The following NOC2L variants were observed in gnomAD, a reference collection of about 807,000 sequenced individuals.
NOC2L encodes the protein nucleolar complex protein 2 homolog.
NOC2L carries 101 observed loss-of-function variants against 94.2 expected under a neutral mutation model. The ratio of observed to expected loss-of-function variants is 1.07; its 90% confidence interval spans 0.91 to 1.26. The LOEUF (loss-of-function observed/expected upper bound fraction) is 1.26, where lower values mean the gene tolerates loss of function less well. Ranked by LOEUF, NOC2L falls within the 50% of genes most tolerant of loss-of-function variation. The probability of loss-of-function intolerance (pLI) is 0.00; values close to 1 mark genes in which losing one functional copy is unlikely to be tolerated. For missense variants in NOC2L, 1,076 were observed against 980.1 expected, an observed-to-expected ratio of 1.10 and a Z score of -1.31; for synonymous variants, 531 against 413.4, an observed-to-expected ratio of 1.28 and a Z score of -3.45.
rs755814934 is a variant in NOC2L at position 951,149 on chromosome 1, G to T, written c.1421C>A (p.Pro474Gln). ...LLSGSSGAFIPVLPFILEMFQ... is the reference protein window; with the variant it reads ...LLSGSSGAFIQVLPFILEMFQ... ...CACCTCCAGGATGAAAGGCAGCACC[G>T]GGATGAAGGCCCCCGAGCTCCCCGA... The change falls in exon 12 of 19, where the codon CCG (proline) becomes CAG (glutamine). Residue 474 changes from proline (P) to glutamine (Q), a missense_variant. Pro to Gln is a moderately conservative substitution (Grantham distance 76). Coordinates refer to ENST00000327044, the MANE Select transcript of NOC2L (RefSeq NM_015658.4). The T allele has an allele frequency of 6.3e-7, 1 of 1,588,700 alleles. No homozygotes were observed. Among genetic ancestry groups the T allele is most frequent in the Non-Finnish European group, 8.6e-7 (1 of 1,167,590 alleles).
At chr1:946,783 C>T in intron 14 of NOC2L, 2 of 474,956 alleles carry the variant, frequency 4.2e-6, no homozygotes, top group East Asian at 7.8e-5. Flanking sequence ...TTATGCCAGG[C>T]GTGGTGGCTC....
rs1642432503 is a variant in NOC2L, at chr1:957,211, G to T, written c.242C>A (p.Pro81His). The T allele has an allele frequency of 1.9e-6, 3 of 1,613,824 alleles. No homozygotes were observed. Among genetic ancestry groups the T allele is most frequent in the Non-Finnish European group, 2.5e-6 (3 of 1,179,992 alleles). Residue 81 changes from proline (P) to histidine (H), a missense_variant, in exon 3 of 19, where the codon CCC becomes CAC. This residue lies in a region of NOC2L where 457 missense variants were observed against 386.0 expected (regional missense o/e 1.18). Transcript: ENST00000327044. ...DQLSRLKDRD[P>H]EFYKFLQEND... The stretch of plus-strand genomic sequence containing the variant: ...CTCCTGCAGGAACTTGTAGAACTCG[G>T]GGTCTCTGTCCTTCAGCCGAGAGAG...
In NOC2L at chr1:953,887, C is replaced by T; in HGVS notation, c.783G>A (p.Val261=). The change falls in exon 8 of 19, where the codon GTG becomes GTA. Residue 261 remains valine, a synonymous_variant. Transcript: ENST00000327044. ...KAYLGSAIQL[V]SCLSETTVLA... ...ACACCGTCGTCTCCGACAGACAGGACACCAGCTGGGGGCAGGAGGGGACAG... is the reference window on the plus strand; with the variant it reads ...ACACCGTCGTCTCCGACAGACAGGATACCAGCTGGGGGCAGGAGGGGACAG... 1 of 1,613,172 alleles carries T rather than the reference C, an allele frequency of 6.2e-7. No homozygotes were observed. Among genetic ancestry groups the T allele is most frequent in the Non-Finnish European group, 8.5e-7 (1 of 1,179,960 alleles).
In NOC2L at chr1:952,719, C is replaced by T. The variant is rs1490182949; in HGVS notation, c.1003-119G>A. ...TCAGAGCTGGGCCTCGAGGAAGAGC[C>T]GTAGCCCCTTGCACAGCCCCCACCC... On this transcript the variant is annotated intron_variant, in intron 9 of 18. Coordinates refer to ENST00000327044, the MANE Select transcript of NOC2L (RefSeq NM_015658.4). The T allele has an allele frequency of 9.0e-6, 9 of 1,004,210 alleles. No individual in the cohort carries two copies. The African/African-American group carries it at 9.5e-5, about 11-fold the overall frequency. 62.2% of individuals were successfully genotyped at this position (1,004,210 alleles called of 1,614,324 possible). A position where few individuals can be genotyped will look rare whatever the true frequency, so the allele number is the denominator to read the frequency against.
In NOC2L at chr1:944,391, G is replaced by A; in HGVS notation, c.*303C>T. On this transcript the variant is annotated 3_prime_UTR_variant, in exon 19 of 19. Coordinates refer to ENST00000327044, the MANE Select transcript of NOC2L (RefSeq NM_015658.4). ...AGGGCAGAGGTGGTGGAAGGGGCCAGGGGCCTGCAGGCCTCCCCCTGGAAC... is the reference window on the plus strand; with the variant it reads ...AGGGCAGAGGTGGTGGAAGGGGCCAAGGGCCTGCAGGCCTCCCCCTGGAAC... The A allele has an allele frequency of 7.8e-7, 1 of 1,276,636 alleles. No homozygotes were observed. The highest frequency in any genetic ancestry group is 1.0e-6 in the Non-Finnish European group (1 of 986,398). The allele number at this position is 1,276,636 out of a possible 1,614,324, so 79.1% of individuals were successfully genotyped here.
intron 2 of NOC2L, 159 bp downstream of exon 2, chr1:958,770 A>G (rs1024731249): frequency 2.6e-6 from 2 of 778,530 alleles, no homozygotes; most frequent in Admixed American, 2.0e-5. Flanking sequence ...ACAGGAGCTC[A>G]GTAAACATCG....
chr1:956,175 G>A lies in NOC2L; in HGVS notation c.527C>T (p.Ala176Val), dbSNP rs1359441783. ...TPKLFHEVVQAFRAAVATTRG... is the reference protein window; with the variant it reads ...TPKLFHEVVQVFRAAVATTRG... ...GGTGGTGGCCACAGCTGCTCGGAAC[G>A]CCTGTACCACTTCATGGAACAGCTT... The change falls in exon 5 of 19, where the codon GCG becomes GTG. Residue 176 changes from alanine (A) to valine (V), a missense_variant. By Grantham distance (64) the Ala-to-Val change is moderately conservative (BLOSUM62 0). Around this residue, in one of 3 missense-constraint regions of NOC2L, gnomAD observed 457 missense variants for 386.0 expected, o/e 1.18. Transcript: ENST00000327044. 9 of 1,613,758 alleles carry A rather than the reference G, an allele frequency of 5.6e-6. No homozygotes were observed. Among genetic ancestry groups the A allele is most frequent in the African/African-American group, 1.3e-5 (1 of 74,912 alleles).
intron 12 of NOC2L, among the ~76,000 whole-genome samples, chr1:949,962 A>T (rs1569941178): frequency 6.6e-6 from 1 of 152,214 alleles, no homozygotes; most frequent in Non-Finnish European, 1.5e-5. Flanking sequence ...CAGGGTGGAG[A>T]TCGTGAATTC....
At chr1:949,852 G>A (rs143179547) in intron 12 of NOC2L, among the ~76,000 whole-genome samples, 390 of 152,306 alleles carry the variant, frequency 2.6e-3, no homozygotes, top group Non-Finnish European at 4.5e-3. Context: ...CGTGCCTGGG[G>A]CTTCCATACC....
chr1:955,770 C>T (rs1392851556), intron 6 of NOC2L, among the ~76,000 whole-genome samples, 153 bp downstream of exon 6: 2 of 152,216 alleles, frequency 1.3e-5, no homozygotes, highest in Non-Finnish European at 2.9e-5. Flanking sequence ...CCTCTCCCAA[C>T]GGTCCCTCGT....
chr1:956,781 C>T, intron 4 of NOC2L, 113 bp downstream of exon 4: 1 of 1,500,932 alleles, frequency 6.7e-7, no homozygotes, highest in Non-Finnish European at 9.1e-7. Context: ...GAGGCAAGGC[C>T]AGATCTCTGC....
intron 12 of NOC2L, among the ~76,000 whole-genome samples, chr1:950,086 A>G (rs893395696): frequency 3.3e-5 from 5 of 152,218 alleles, no homozygotes; most frequent in African/African-American, 1.2e-4. Flanking sequence ...ACACACAGGT[A>G]CACACAGGCG....
In NOC2L at chr1:956,869, C is replaced by G. The variant is rs764034756; in HGVS notation, c.486+25G>C. 1.9e-6 allele frequency: 3 copies of G among 1,612,258 alleles called. No individual in the cohort carries two copies. In the South Asian group the frequency reaches 3.3e-5, roughly 18 times the overall value. On this transcript the variant is annotated intron_variant, in intron 4 of 18. Transcript: ENST00000327044. ...GCCAGATTTCTGCCTGGGCACCCAG[C>G]TGCCCGCCCCTGGCTGCTGCTCACC...
At position 950,413 on chromosome 1, in the gene NOC2L, GCA is replaced by G. The variant is rs1346401060; in HGVS notation, c.1443+712_1443+713del. On this transcript the variant is annotated intron_variant, in intron 12 of 18. Coordinates refer to ENST00000327044, the MANE Select transcript of NOC2L (RefSeq NM_015658.4). Reference sequence around the variant, plus strand: ...AATGCATGCACACAGGTGCACACACGCACAGGTACACACATGCAGACAGGTGC... The same window carrying G: ...AATGCATGCACACAGGTGCACACACGCAGGTACACACATGCAGACAGGTGC... Among the ~76,000 whole-genome samples the G allele has an allele frequency of 2.0e-5, 3 of 151,954 alleles. No individual in the cohort carries two copies. In the East Asian group the frequency reaches 5.8e-4, roughly 30 times the overall value.
chr1:952,797 T>C (rs1160412068), intron 9 of NOC2L, among the ~76,000 whole-genome samples, 197 bp from the exon 10 acceptor site: 1 of 152,192 alleles, frequency 6.6e-6, no homozygotes, highest in Non-Finnish European at 1.5e-5. Context: ...AAGCTCCTGC[T>C]GCACACTGGG....
intron 2 of NOC2L, 120 bp downstream of exon 2, chr1:958,808 AC>A (rs1273444618): frequency 2.1e-6 from 2 of 963,164 alleles, no homozygotes; most frequent in South Asian, 1.3e-5. Context: ...AGCTGAAAGG[AC>A]TGGGGGGCAG....
chr1:949,738 G>A (rs367940691), intron 12 of NOC2L, among the ~76,000 whole-genome samples: 2 of 152,216 alleles, frequency 1.3e-5, no homozygotes, highest in Non-Finnish European at 2.9e-5. Flanking sequence ...ACAGGGGCCA[G>A]GCCAAGGGCT....
chr1:945,094 G>A lies in NOC2L; in HGVS notation c.2106C>T (p.Asp702=), dbSNP rs371539737. ...TGCTGTCCTCCTCGCCCTCCTCCTC[G>A]TCCTCTTCATCGTCTTCCACCCCAT... is the stretch of plus-strand genomic sequence containing the variant. ...TRHGVEDDEE[D]EEEGEEDSSN... The change falls in exon 18 of 19, where the codon GAC becomes GAT. Residue 702 remains aspartate, a synonymous_variant. Coordinates refer to ENST00000327044, the MANE Select transcript of NOC2L (RefSeq NM_015658.4). 4.7e-5 allele frequency: 75 copies of A among 1,611,674 alleles called. No homozygotes were observed. Among genetic ancestry groups the A allele is most frequent in the Admixed American group, 6.7e-5 (4 of 59,914 alleles).
At chr1:957,352 T>C in intron 2 of NOC2L, 79 bp from the exon 3 acceptor site, 1 of 1,420,112 alleles carries the variant, frequency 7.0e-7, no homozygotes, top group Admixed American at 2.0e-5. Context: ...GTCAGTCTAC[T>C]CCCTTCACAA....
Sources: allele counts gnomAD v4.1 joint callset (sites outside exome capture counted in the v4.1 genomes callset), GRCh38; gene constraint gnomAD v4.1.1; regional missense constraint gnomAD v4.1.1; transcripts MANE v1.5; gene names NCBI Gene and HGNC (gene_info 2026-07-23, HGNC 2026-07-21).